The following ABLIM1 variants were observed in gnomAD, a reference collection of about 807,000 sequenced individuals.
ABLIM1 encodes actin-binding LIM protein 1.
A neutral mutation model predicts 107.0 loss-of-function variants in ABLIM1; 40 were observed. The ratio of observed to expected loss-of-function variants is 0.37; its 90% confidence interval spans 0.29 to 0.49. The LOEUF (loss-of-function observed/expected upper bound fraction) is 0.49. ABLIM1 is among the 20% of genes least tolerant of loss of function. The pLI, the probability that ABLIM1 is intolerant of heterozygous loss-of-function variation, is 0.97. For synonymous variants in ABLIM1, 357 were observed against 357.3 expected, an observed-to-expected ratio of 1.00 and a Z score of 0.01; for missense variants, 857 against 1,008.5, an observed-to-expected ratio of 0.85 and a Z score of 2.04.
chr10:114,756,539 G>A (rs552970323), intron 1 of ABLIM1, among the ~76,000 whole-genome samples: 2 of 152,166 alleles, frequency 1.3e-5, no homozygotes, highest in South Asian at 4.2e-4. Context: ...TCATCCAAGA[G>A]CCTAGTATGT....
In ABLIM1 at chr10:114,658,102, G is replaced by T. The variant is rs1428539609; in HGVS notation, c.99C>A (p.Asn33Lys). ...GGTCCTCAACAATCAGTCTCTTTCTGTTCGAGCCCCTGGCACTGGTTCTCT... is the reference window on the plus strand; with the variant it reads ...GGTCCTCAACAATCAGTCTCTTTCTTTTCGAGCCCCTGGCACTGGTTCTCT... Reference protein sequence around the residue: ...SSERTSARGSNRKRLIVEDRR... With the variant: ...SSERTSARGSKRKRLIVEDRR... Residue 33 changes from asparagine to lysine, a missense_variant, in exon 1 of 23, where the codon AAC (asparagine) becomes AAA (lysine). Physicochemically the swap from Asn to Lys is moderately conservative, Grantham distance 94 (BLOSUM62 0). This residue lies in a region of ABLIM1 where 176 missense variants were observed against 173.5 expected (regional missense o/e 1.01). Transcript: ENST00000533213. 14 of 1,614,222 alleles carry T rather than the reference G, an allele frequency of 8.7e-6. No homozygotes were observed. Among genetic ancestry groups the T allele is most frequent in the Non-Finnish European group, 1.2e-5 (14 of 1,180,028 alleles).
intron 1 of ABLIM1, among the ~76,000 whole-genome samples, chr10:114,620,656 C>T (rs374680988): frequency 1.3e-5 from 2 of 152,258 alleles, no homozygotes; most frequent in South Asian, 2.1e-4. Flanking sequence ...AAGTGATCCG[C>T]CCACCTCAGC....
intron 4 of ABLIM1, among the ~76,000 whole-genome samples, chr10:114,552,482 C>T (rs1402718966): frequency 1.4e-5 from 2 of 144,454 alleles, no homozygotes; most frequent in Non-Finnish European, 3.0e-5. Flanking sequence ...AAAATAATGA[C>T]CTAACATGGA....
intron 4 of ABLIM1, among the ~76,000 whole-genome samples, chr10:114,549,445 A>G (rs991580217): frequency 3.3e-5 from 5 of 152,146 alleles, no homozygotes; most frequent in African/African-American, 1.2e-4. Context: ...ATGCTGTGAA[A>G]ACTCCTCCAA....
chr10:114,777,536 G>T, the ABLIM1 span, among the ~76,000 whole-genome samples: 1 of 152,132 alleles, frequency 6.6e-6, no homozygotes, highest in African/African-American at 2.4e-5. Context: ...AGGGTAACTG[G>T]CCATGTATTT....
At chr10:114,687,334 G>T (rs765833661), upstream of ABLIM1, among the ~76,000 whole-genome samples, 5 of 152,200 alleles carry the variant, frequency 3.3e-5, no homozygotes, top group Non-Finnish European at 7.3e-5. Flanking sequence ...GAAGGAGAGG[G>T]CTAGAAAGGG....
At chr10:114,672,324 C>T (rs2080291944) in intron 1 of ABLIM1, among the ~76,000 whole-genome samples, 1 of 152,168 alleles carries the variant, frequency 6.6e-6, no homozygotes, top group East Asian at 1.9e-4. Flanking sequence ...CTTCAGCCTG[C>T]CAAGTAGATG....
chr10:114,732,185 T>C (rs796769748), intron 1 of ABLIM1, among the ~76,000 whole-genome samples: 21 of 119,900 alleles, frequency 1.8e-4, no homozygotes, highest in South Asian at 7.1e-4. Flanking sequence ...CTTTTCTTTT[T>C]TTTTTTTTTT....
intron 12 of ABLIM1, among the ~76,000 whole-genome samples, chr10:114,459,862 T>C (rs962456323): frequency 3.9e-5 from 6 of 152,172 alleles, no homozygotes; most frequent in African/African-American, 1.4e-4. Flanking sequence ...CCTGACGGTG[T>C]CAAACACTTC....
intron 2 of ABLIM1, among the ~76,000 whole-genome samples, chr10:114,596,640 T>A (rs1199918155): frequency 6.6e-6 from 1 of 152,206 alleles, no homozygotes; most frequent in African/African-American, 2.4e-5. Flanking sequence ...ATCCCTACCT[T>A]GTCACAGCTA....
At chr10:114,714,286 G>T (rs575709675) in intron 1 of ABLIM1, among the ~76,000 whole-genome samples, 2 of 152,170 alleles carry the variant, frequency 1.3e-5, no homozygotes, top group Non-Finnish European at 2.9e-5. Context: ...GTTCACAGAG[G>T]TTAAGTGACC....
At chr10:114,536,223 C>G (rs1482120757) in intron 6 of ABLIM1, among the ~76,000 whole-genome samples, 17 of 80,458 alleles carry the variant, frequency 2.1e-4, no homozygotes, top group African/African-American at 7.9e-4. Flanking sequence ...TTCCTTCTTT[C>G]TTTGTTTTTT....
intron 2 of ABLIM1, among the ~76,000 whole-genome samples, chr10:114,590,472 C>A (rs144776732): frequency 1.3e-4 from 20 of 152,246 alleles, no homozygotes; most frequent in Non-Finnish European, 2.8e-4. Context: ...AGAAGTTTAA[C>A]CCCTTTCCAA....
chr10:114,602,307 A>G (rs2076076862), intron 1 of ABLIM1, among the ~76,000 whole-genome samples: 1 of 152,136 alleles, frequency 6.6e-6, no homozygotes, highest in South Asian at 2.1e-4. Context: ...CTTTATATTG[A>G]TTTAGAAGGC....
At chr10:114,603,106 A>C (rs1193388552) in intron 1 of ABLIM1, among the ~76,000 whole-genome samples, 1 of 152,232 alleles carries the variant, frequency 6.6e-6, no homozygotes, top group Non-Finnish European at 1.5e-5. Flanking sequence ...TGAACCTAAA[A>C]TTAATCAACC....
At position 114,601,920 on chromosome 10, in the gene ABLIM1, C is replaced by A; in HGVS notation, c.286G>T (p.Val96Phe). The A allele has an allele frequency of 6.2e-7, 1 of 1,614,162 alleles. No individual in the cohort carries two copies. Among genetic ancestry groups the A allele is most frequent in the Non-Finnish European group, 8.5e-7 (1 of 1,180,030 alleles). ...TCCCCACATTTATGGCAGTGAATGA[C>A]AGGCTTCTCTGATGGGTGGTGAGGG... Reference protein sequence around the residue: ...QDPHHPSEKPVIHCHKCGEPC... With the variant: ...QDPHHPSEKPFIHCHKCGEPC... Residue 96 changes from valine (V) to phenylalanine (F), a missense_variant, in exon 2 of 23, where the codon GTC becomes TTC. Physicochemically the swap from Val to Phe is conservative, Grantham distance 50 (BLOSUM62 -1). Transcript: ENST00000533213.
intron 1 of ABLIM1, among the ~76,000 whole-genome samples, chr10:114,762,127 G>C (rs1382545284): frequency 1.3e-5 from 2 of 151,976 alleles, no homozygotes; most frequent in African/African-American, 4.8e-5. Context: ...GCACCTCCCA[G>C]GTTCACACCA....
chr10:114,629,108 T>C lies in ABLIM1; in HGVS notation c.245-27147A>G, dbSNP rs571884080. On this transcript the variant is annotated intron_variant, in intron 1 of 22. Transcript: ENST00000533213. This position sits in a 1 kb window ranked among gnomAD's most constrained non-coding sequence, Gnocchi z 4.0. ...GGTGCCTGGTCAGGAGAACAAAAGA[T>C]AATAAGGTCAAAGGATGTCAGCAAA... is the stretch of plus-strand genomic sequence containing the variant. 6.6e-6 allele frequency among the ~76,000 whole-genome samples: 1 copy of C among 152,082 alleles called. No individual in the cohort carries two copies.
In ABLIM1 at chr10:114,601,811, G is replaced by A. The variant is rs1241388873; in HGVS notation, c.379+16C>T. 6.8e-6 allele frequency: 11 copies of A among 1,614,032 alleles called. No individual in the cohort carries two copies. Among genetic ancestry groups the A allele is most frequent in the Non-Finnish European group, 9.3e-6 (11 of 1,180,024 alleles). On this transcript the variant is annotated intron_variant, in intron 2 of 22. Coordinates refer to ENST00000533213, the MANE Select transcript of ABLIM1 (RefSeq NM_002313.7). ...CCATGGCATGCCACTGAGCCACGAA[G>A]CTGGAGGCACCATACCTTTGCAGGT...
Sources: gnomAD v4.1 joint callset for allele counts (sites outside exome capture counted in the v4.1 genomes callset) on GRCh38, gnomAD v4.1.1 for gene constraint, gnomAD v4.1.1 regional missense constraint, Gnocchi (gnomAD v3.1) non-coding constraint, MANE v1.5 for transcripts, NCBI Gene and HGNC (gene_info 2026-07-23, HGNC 2026-07-21) for gene names.